Variants in TENM3 observed in about 807,000 individuals in gnomAD.
The protein encoded by TENM3 is teneurin-3.
TENM3 carries 63 observed loss-of-function variants against 255.1 expected under a neutral mutation model. The observed-to-expected ratio is 0.25, with a 90% CI of 0.20 to 0.30. TENM3 has a LOEUF of 0.30. Ranked by LOEUF, TENM3 falls within the 10% of genes least tolerant of loss-of-function variation. The probability of loss-of-function intolerance (pLI) is 1.00; values close to 1 mark genes in which losing one functional copy is unlikely to be tolerated. For synonymous variants in TENM3, 1,306 were observed against 1,322.3 expected (o/e 0.99, Z 0.27); for missense variants, 2,929 against 3,461.1 (o/e 0.85, Z 3.86).
chr4:181,653,700 CT>C, the TENM3 span, among the ~76,000 whole-genome samples: 18,259 of 137,130 alleles, frequency 0.13, 1,214 homozygotes, highest in East Asian at 0.24. Flanking sequence ...ATAAGACCAG[CT>C]TTTTTTTTTT....
the TENM3 span, among the ~76,000 whole-genome samples, chr4:181,957,213 T>C: frequency 1.3e-5 from 2 of 152,198 alleles, no homozygotes; most frequent in Non-Finnish European, 1.5e-5. Flanking sequence ...GTTTATTTTG[T>C]CTCTCGGCCA....
the TENM3 span, among the ~76,000 whole-genome samples, chr4:181,844,319 C>A: frequency 6.6e-6 from 1 of 152,062 alleles, no homozygotes; most frequent in African/African-American, 2.4e-5. Context: ...TGGGAGAACA[C>A]CCCAGATGAA....
rs1481694899 is a variant in TENM3, at chr4:182,251,862, G to A, written c.-76+8386G>A. Among the ~76,000 whole-genome samples the A allele has an allele frequency of 4.6e-5, 7 of 152,138 alleles. No homozygotes were observed. The East Asian group carries it at 1.4e-3, about 29-fold the overall frequency. On this transcript the variant is annotated intron_variant, in intron 1 of 27. Transcript: ENST00000511685. ...TGGGTTACTTTATTCATTTCAATAT[G>A]TTACTTTGAATACCTGCATTTGAAT...
intron 1 of TENM3, among the ~76,000 whole-genome samples, chr4:182,321,336 C>T (rs1344175336): frequency 4.6e-5 from 7 of 152,138 alleles, no homozygotes; most frequent in Admixed American, 1.3e-4. Flanking sequence ...TCTAAAATAA[C>T]TTCTTGGGGC....
At chr4:182,449,131 C>CG in intron 3 of TENM3, 1 of 207,622 alleles carries the variant, frequency 4.8e-6, no homozygotes, top group Non-Finnish European at 9.3e-6. Flanking sequence ...GCTGGCGGAG[C>CG]GCGGCTCCCG....
rs1406586080 is a variant in TENM3, at chr4:182,802,575, G to A, written c.*2224G>A. On this transcript the variant is annotated 3_prime_UTR_variant, in exon 28 of 28. Coordinates refer to ENST00000511685, the MANE Select transcript of TENM3 (RefSeq NM_001080477.4). ...ATAGTCTTAACCTCTTCTTGACGTG[G>A]ACTGGTCTTCACTCGGGCACCGATA... 1 of 152,582 alleles carries A rather than the reference G, an allele frequency of 6.6e-6. No homozygotes were observed. Among genetic ancestry groups the A allele is most frequent in the Admixed American group, 6.5e-5 (1 of 15,278 alleles). 9.5% of individuals were successfully genotyped at this position (152,582 alleles called of 1,614,324 possible).
chr4:181,463,114 A>C, the TENM3 span, among the ~76,000 whole-genome samples: 1 of 152,196 alleles, frequency 6.6e-6, no homozygotes, highest in East Asian at 1.9e-4. Flanking sequence ...TGGTCAGCAA[A>C]GCTTAGGCCC....
chr4:182,676,237 C>T (rs1263443401), intron 7 of TENM3, among the ~76,000 whole-genome samples: 2 of 152,224 alleles, frequency 1.3e-5, no homozygotes, highest in East Asian at 3.8e-4. Context: ...TCAGTGGGCT[C>T]TCTTCTCCCT....
the TENM3 span, among the ~76,000 whole-genome samples, chr4:181,814,393 A>G: frequency 2.6e-4 from 39 of 152,222 alleles, no homozygotes; most frequent in African/African-American, 9.2e-4. Flanking sequence ...AAATGCAAGG[A>G]GAACTTAACA....
chr4:181,867,878 A>G, the TENM3 span, among the ~76,000 whole-genome samples: 9 of 152,126 alleles, frequency 5.9e-5, no homozygotes, highest in Admixed American at 3.9e-4. Context: ...GCACAAAGCT[A>G]ATGTTTATGC....
chr4:182,749,982 G>GA (rs1762260643), intron 19 of TENM3, among the ~76,000 whole-genome samples: 2 of 6,724 alleles, frequency 3.0e-4, no homozygotes, highest in African/African-American at 3.4e-4. Flanking sequence ...TTTATAGAAA[G>GA]GAAAAAAAAA....
At chr4:181,737,014 A>G in the TENM3 span, among the ~76,000 whole-genome samples, 6 of 152,140 alleles carry the variant, frequency 3.9e-5, no homozygotes, top group Admixed American at 3.9e-4. Context: ...GACCACAAGA[A>G]TCTTTGAAAA....
At chr4:181,538,749 T>A in the TENM3 span, among the ~76,000 whole-genome samples, 2 of 152,308 alleles carry the variant, frequency 1.3e-5, no homozygotes, top group East Asian at 3.9e-4. Flanking sequence ...TTCAGTGAAG[T>A]GTTCGTTTTC....
intron 3 of TENM3, among the ~76,000 whole-genome samples, chr4:182,420,091 T>G (rs1561428236): frequency 6.6e-6 from 1 of 152,052 alleles, no homozygotes; most frequent in Non-Finnish European, 1.5e-5. Flanking sequence ...AACAAATATA[T>G]TCAGTTCTAT....
chr4:182,753,403 G>C (rs1579350511), intron 20 of TENM3, 47 bp from the exon 21 acceptor site: 2 of 1,537,112 alleles, frequency 1.3e-6, no homozygotes, highest in Non-Finnish European at 1.8e-6. Flanking sequence ...TTAATCAAAA[G>C]TAACCATTTT....
rs546022526 is a variant in TENM3 at position 182,222,926 on chromosome 4, T to C, written c.-76+78172T>C. On this transcript the variant is annotated intron_variant, in intron 1 of 2. Transcript: ENST00000512480. Reference sequence around the variant, plus strand: ...ACAAGCTCGTCCCTAAGAGAGCCTCTGAATCCAGCCATCCTTTGGAGAGAG... The same window carrying C: ...ACAAGCTCGTCCCTAAGAGAGCCTCCGAATCCAGCCATCCTTTGGAGAGAG... Among the ~76,000 whole-genome samples, 244 of 152,304 alleles carry C rather than the reference T, an allele frequency of 1.6e-3. 2 individuals carry two copies. The highest frequency in any genetic ancestry group is 2.9e-3 in the Non-Finnish European group (199 of 68,026).
intron 22 of TENM3, among the ~76,000 whole-genome samples, chr4:182,763,283 G>A (rs960418118): frequency 6.6e-6 from 1 of 152,056 alleles, no homozygotes; most frequent in Admixed American, 6.5e-5. Context: ...AAAGATGGGG[G>A]CGGGCGCGGT....
chr4:182,273,456 T>C (rs1478562262), intron 1 of TENM3, among the ~76,000 whole-genome samples: 2 of 152,230 alleles, frequency 1.3e-5, no homozygotes, highest in Admixed American at 6.5e-5. Flanking sequence ...CCAAGAAGCC[T>C]GATTAGGGCG....
chr4:182,419,606 A>C (rs1463779641), intron 3 of TENM3, among the ~76,000 whole-genome samples: 1 of 152,202 alleles, frequency 6.6e-6, no homozygotes, highest in Non-Finnish European at 1.5e-5. Context: ...AATAGCAAAG[A>C]CTTGGAACCA....
Sources: gnomAD v4.1 joint callset for allele counts (sites outside exome capture counted in the v4.1 genomes callset) on GRCh38, gnomAD v4.1.1 for gene constraint, MANE v1.5 for transcripts, NCBI Gene and HGNC (gene_info 2026-07-23, HGNC 2026-07-21) for gene names.